Variants in TONSL observed in about 807,000 individuals in gnomAD.
TONSL encodes tonsoku-like protein.
TONSL carries 112 observed loss-of-function variants against 147.1 expected under a neutral mutation model. The ratio of observed to expected loss-of-function variants is 0.76; its 90% CI spans 0.65 to 0.89. TONSL has a LOEUF of 0.89. Among genes scored for constraint, TONSL ranks in the 40% least tolerant of loss-of-function variants. TONSL has a pLI of 0.00. For missense variants in TONSL, 1,883 were observed against 1,864.6 expected (o/e 1.01, Z -0.18); for synonymous variants, 868 against 801.5 (o/e 1.08, Z -1.40).
In TONSL at chr8:144,436,345, G is replaced by A. The variant is rs749942528; in HGVS notation, c.2088C>T (p.Ser696=). The part of the protein sequence containing the change: ...LFDPETSPPL[S]PCPEPPSNST... ...TATTAGAGGGGGGTTCTGGGCAGGG[G>A]CTCAAAGGAGGAGAGGTCTCGGGGT... The change falls in exon 17 of 26, where the codon AGC becomes AGT. Residue 696 remains serine (S), a synonymous_variant. Transcript: ENST00000409379. 2 of 1,503,002 alleles carry A rather than the reference G, an allele frequency of 1.3e-6. No homozygotes were observed. The highest frequency in any genetic ancestry group is 2.2e-5 in the Admixed American group (1 of 45,036). The allele number at this position is 1,503,002 out of a possible 1,614,324, so 93.1% of individuals were successfully genotyped here.
intron 3 of TONSL, 104 bp from the exon 4 acceptor site, chr8:144,443,425 C>G: frequency 8.6e-7 from 1 of 1,161,698 alleles, no homozygotes; most frequent in East Asian, 2.6e-5. Flanking sequence ...AGAGCCTGCT[C>G]CCCCTAACCC....
At chr8:144,437,788 T>G (rs1823532152) in intron 13 of TONSL, 1 of 153,748 alleles carries the variant, frequency 6.5e-6, no homozygotes, top group Non-Finnish European at 1.4e-5. Flanking sequence ...GTATTTTTAG[T>G]AGAGACAGGG....
intron 2 of TONSL, 63 bp downstream of exon 2, chr8:144,444,117 C>T (rs1823821534): frequency 7.7e-7 from 1 of 1,305,742 alleles, no homozygotes; most frequent in East Asian, 3.2e-5. Context: ...GCCCCCCGGC[C>T]CCCGATCCCG....
Position 144,436,407 on chromosome 8 carries a change from A to G in TONSL, c.2026T>C (p.Ser676Pro). The G allele has an allele frequency of 6.6e-7, 1 of 1,511,592 alleles. No individual in the cohort carries two copies. Among genetic ancestry groups the G allele is most frequent in the Non-Finnish European group, 8.8e-7 (1 of 1,135,604 alleles). 93.6% of individuals were successfully genotyped at this position (1,511,592 alleles called of 1,614,324 possible). ...AAASGQDPHS[S>P]QAFHTPSSLL... The stretch of plus-strand genomic sequence containing the variant: ...CTGCTTGGGGTGTGGAAGGCCTGGG[A>G]GCTGTGGGGATCTGTGGGAGAGAGA... The change falls in exon 17 of 26, where the codon TCC (serine) becomes CCC (proline). Residue 676 changes from serine to proline, a missense_variant. By Grantham distance (74) the Ser-to-Pro change is moderately conservative. Transcript: ENST00000409379.
intron 4 of TONSL, 62 bp from the exon 5 acceptor site, chr8:144,442,868 G>A (rs988258690): frequency 4.5e-6 from 7 of 1,557,856 alleles, no homozygotes; most frequent in Non-Finnish European, 5.2e-6. Flanking sequence ...CCAGCTTTGG[G>A]CCCCATTTGG....
At chr8:144,429,430 G>GT in intron 25 of TONSL, 94 bp from the exon 26 acceptor site, 1 of 1,214,990 alleles carries the variant, frequency 8.2e-7, no homozygotes, top group Non-Finnish European at 1.1e-6. Context: ...CGCTTTCGCT[G>GT]AGGGCCCCAG....
At chr8:144,438,978 C>T (rs1391751602) in intron 11 of TONSL, among the ~76,000 whole-genome samples, 2 of 152,128 alleles carry the variant, frequency 1.3e-5, no homozygotes, top group African/African-American at 4.8e-5. Context: ...AGACACACCC[C>T]TGAGCTTTCT....
At chr8:144,442,924 GTGCA>G in intron 4 of TONSL, 118 bp from the exon 5 acceptor site, 1 of 1,396,726 alleles carries the variant, frequency 7.2e-7, no homozygotes, top group Non-Finnish European at 9.5e-7. Context: ...CCCGAGGTGG[GTGCA>G]AGTGTCCTGC....
intron 18 of TONSL, 28 bp downstream of exon 18, chr8:144,435,446 C>T: frequency 6.6e-7 from 1 of 1,514,664 alleles, no homozygotes; most frequent in Non-Finnish European, 8.9e-7. Context: ...CACAGGTGGG[C>T]TGCGGGGTAG....
rs1302468216 is a variant in TONSL, at chr8:144,438,706, G to C, written c.1510C>G (p.Leu504Val). ...EDDTDGLTPQ[L>V]EEDEELQGHL... The stretch of plus-strand genomic sequence containing the variant: ...CCCTGAAGCTCCTCGTCCTCCTCCA[G>C]CTGCGGGGTCAGGCCATCGGTGTCG... Residue 504 changes from leucine (L) to valine (V), a missense_variant, in exon 12 of 26, where the codon CTG becomes GTG. By Grantham distance (32) the Leu-to-Val change is conservative. Coordinates refer to ENST00000409379, the MANE Select transcript of TONSL (RefSeq NM_013432.5). 1.4e-5 allele frequency: 23 copies of C among 1,613,138 alleles called. No individual in the cohort carries two copies. Among genetic ancestry groups the C allele is most frequent in the Non-Finnish European group, 1.9e-5 (23 of 1,179,956 alleles).
At chr8:144,432,193 C>T in intron 23 of TONSL, 92 bp downstream of exon 23, 1 of 1,405,468 alleles carries the variant, frequency 7.1e-7, no homozygotes, top group Non-Finnish European at 9.8e-7. Context: ...CGAGTTCAGC[C>T]CGAATCTGGG....
intron 1 of TONSL, 49 bp downstream of exon 1, chr8:144,444,341 C>G: frequency 7.7e-7 from 1 of 1,294,742 alleles, no homozygotes; most frequent in Non-Finnish European, 9.8e-7. Flanking sequence ...AGTCCCAAGC[C>G]CTCCCCAGCC....
rs200007936 is a variant in TONSL at position 144,434,987 on chromosome 8, C to A, written c.3006+30G>T. 202 of 1,611,618 alleles carry A rather than the reference C, an allele frequency of 1.3e-4. No homozygotes were observed. The East Asian group carries it at 4.4e-3, about 35-fold the overall frequency. ...ACCCGGGGGCTCCCGGTGCCTGAGG[C>A]CCTGGCTCCCCCTCCGCTCTGCGGC... On this transcript the variant is annotated intron_variant, in intron 19 of 25. Coordinates refer to ENST00000409379, the MANE Select transcript of TONSL (RefSeq NM_013432.5).
intron 13 of TONSL, among the ~76,000 whole-genome samples, chr8:144,437,420 C>T (rs573915017): frequency 2.6e-5 from 4 of 152,332 alleles, no homozygotes; most frequent in Admixed American, 2.6e-4. Context: ...GGCTAGCCCC[C>T]ATCCTGGCCA....
At position 144,435,820 on chromosome 8, in the gene TONSL, C is replaced by T. The variant is rs1376730392; in HGVS notation, c.2613G>A (p.Arg871=). 6 of 1,612,496 alleles carry T rather than the reference C, an allele frequency of 3.7e-6. No individual in the cohort carries two copies. Among genetic ancestry groups the T allele is most frequent in the South Asian group, 1.1e-5 (1 of 91,076 alleles). The part of the protein sequence containing the change: ...STSGSDSEES[R]PRARAKQVRL... ...GGACCTGCTTGGCTCGGGCACGGGG[C>T]CTGCTCTCCTCACTGTCCGACCCAG... The change falls in exon 17 of 26, where the codon AGG becomes AGA. Residue 871 remains arginine, a synonymous_variant. Coordinates refer to ENST00000409379, the MANE Select transcript of TONSL (RefSeq NM_013432.5).
In TONSL at chr8:144,442,279, G is replaced by T. The variant is rs149978949; in HGVS notation, c.712C>A (p.Arg238=). Residue 238 remains arginine, a synonymous_variant, in exon 6 of 26, where the codon CGG becomes AGG. Transcript: ENST00000409379. ...ARECAHTMRK[R]FMESECCVVI... ...ACGCAGCACTCGCTCTCCATGAACC[G>T]CTTCCTCATGGTGTGCGCACACTCC... is the stretch of plus-strand genomic sequence containing the variant. The T allele has an allele frequency of 6.3e-7, 1 of 1,595,458 alleles. No homozygotes were observed. The highest frequency in any genetic ancestry group is 2.2e-5 in the East Asian group (1 of 44,462).
chr8:144,434,927 C>T (rs768976190), intron 19 of TONSL, 38 bp from the exon 20 acceptor site: 44 of 1,612,172 alleles, frequency 2.7e-5, no homozygotes, highest in East Asian at 6.7e-5. Context: ...GGGGCTCCCC[C>T]GGCTCACCTC....
intron 25 of TONSL, among the ~76,000 whole-genome samples, chr8:144,429,632 C>G (rs1164973403): frequency 6.6e-6 from 1 of 152,224 alleles, no homozygotes; most frequent in Non-Finnish European, 1.5e-5. Context: ...CATAATGGAT[C>G]TGCTTGCAAA....
intron 22 of TONSL, 124 bp downstream of exon 22, chr8:144,433,464 C>A: frequency 1.1e-6 from 1 of 939,656 alleles, no homozygotes; most frequent in South Asian, 1.6e-5. Context: ...CCGCCTCAGC[C>A]TCTCAAGTAG....
Sources: allele counts gnomAD v4.1 joint callset (sites outside exome capture counted in the v4.1 genomes callset), GRCh38; gene constraint gnomAD v4.1.1; transcripts MANE v1.5; gene names NCBI Gene and HGNC (gene_info 2026-07-23, HGNC 2026-07-21).